LRRC61: variants seen among roughly 807,000 people sequenced by gnomAD.
LRRC61 encodes the protein leucine rich repeat containing 61, also known as leucine-rich repeat-containing protein 61.
LRRC61 carries 9 observed loss-of-function variants against 15.1 expected under a neutral mutation model. The ratio of observed to expected loss-of-function variants is 0.60; its 90% CI spans 0.36 to 1.04. The LOEUF is 1.04. LRRC61 is among the 50% of genes least tolerant of loss of function. LRRC61 has a pLI of 0.01. For missense variants in LRRC61, 344 were observed against 335.6 expected (o/e 1.03, Z -0.20); for synonymous variants, 173 against 158.6 (o/e 1.09, Z -0.68).
rs1438895034 is a variant in LRRC61 at position 150,335,123 on chromosome 7, C to T, written c.-144-1595C>T. ...GTCCTAGGCTCTTTTTCCTCCTCCC[C>T]ATTGCTTCCTGCCCTCCTTAGGGCC... On this transcript the variant is annotated intron_variant, in intron 2 of 2. Coordinates refer to ENST00000359623, the MANE Select transcript of LRRC61 (RefSeq NM_001142928.2). This position sits in a 1 kb window ranked among gnomAD's most constrained non-coding sequence, Gnocchi z 4.3. Among the ~76,000 whole-genome samples, 1 of 152,090 alleles carries T rather than the reference C, an allele frequency of 6.6e-6. No homozygotes were observed. Among genetic ancestry groups the T allele is most frequent in the East Asian group, 1.9e-4 (1 of 5,200 alleles).
In LRRC61 at chr7:150,335,189, G is replaced by C. The variant is rs1240373627; in HGVS notation, c.-144-1529G>C. On this transcript the variant is annotated intron_variant, in intron 2 of 2. Coordinates refer to ENST00000359623, the MANE Select transcript of LRRC61 (RefSeq NM_001142928.2). This position sits in a 1 kb window ranked among gnomAD's most constrained non-coding sequence, Gnocchi z 4.3. ...CACAGCAGACAGGTTTCTAGTGCCTGGTGCTCCTCCTGCACCCCCCACGTT... is the reference window on the plus strand; with the variant it reads ...CACAGCAGACAGGTTTCTAGTGCCTCGTGCTCCTCCTGCACCCCCCACGTT... 6.6e-6 allele frequency among the ~76,000 whole-genome samples: 1 copy of C among 152,156 alleles called. No homozygotes were observed. The highest frequency in any genetic ancestry group is 1.5e-5 in the Non-Finnish European group (1 of 68,032).
rs1798359927 is a variant in LRRC61 at position 150,337,806 on chromosome 7, A to G, written c.*165A>G. The G allele has an allele frequency of 5.5e-6, 4 of 728,504 alleles. No homozygotes were observed. The highest frequency in any genetic ancestry group is 8.8e-6 in the Non-Finnish European group (4 of 453,440). 45.1% of individuals were successfully genotyped at this position (728,504 alleles called of 1,614,324 possible). ...AGCAGCCCCTCCCCACCATCCCTCC[A>G]CATGCTGCAAGGACAGACTGAAGGG... On this transcript the variant is annotated 3_prime_UTR_variant, in exon 3 of 3. Coordinates refer to ENST00000359623, the MANE Select transcript of LRRC61 (RefSeq NM_001142928.2).
Position 150,330,807 on chromosome 7 carries a change from A to C in LRRC61, c.-145+4797A>C. The stretch of plus-strand genomic sequence containing the variant: ...CAGGGGTCTGTGCGTGGACCCCACC[A>C]GGGTAGCCAAGAGCTCCGGGGTGGA... On this transcript the variant is annotated intron_variant, in intron 2 of 2. Transcript: ENST00000359623. This position sits in a 1 kb window ranked among gnomAD's most constrained non-coding sequence, Gnocchi z 4.6. 6.2e-7 allele frequency: 1 copy of C among 1,611,528 alleles called. No homozygotes were observed. Among genetic ancestry groups the C allele is most frequent in the Non-Finnish European group, 8.5e-7 (1 of 1,178,556 alleles).
chr7:150,321,598 G>C (rs574733393), upstream of LRRC61, among the ~76,000 whole-genome samples: 1 of 152,164 alleles, frequency 6.6e-6, no homozygotes, highest in Non-Finnish European at 1.5e-5. Context: ...AAATTAGCCA[G>C]GTGTGGTGGT....
Position 150,337,835 on chromosome 7 carries a change from T to TGAGCAGGTGTAAGGGCTCC in LRRC61, c.*195_*213dup, listed in dbSNP as rs1206461797. The stretch of plus-strand genomic sequence containing the variant: ...GCTGCAAGGACAGACTGAAGGGCTG[T>TGAGCAGGTGTAAGGGCTCC]GAGCAGGTGTAAGGGCTCCCACATC... On this transcript the variant is annotated 3_prime_UTR_variant, in exon 3 of 3. Transcript: ENST00000359623. 6.8e-5 allele frequency: 44 copies of TGAGCAGGTGTAAGGGCTCC among 650,542 alleles called. No homozygotes were observed. The highest frequency in any genetic ancestry group is 4.3e-4 in the Middle Eastern group (1 of 2,332). 40.3% of individuals were successfully genotyped at this position (650,542 alleles called of 1,614,324 possible). A position where few individuals can be genotyped will look rare whatever the true frequency, so the allele number is the denominator to read the frequency against.
chr7:150,337,795 A>C lies in LRRC61; in HGVS notation c.*154A>C. 1 of 781,948 alleles carries C rather than the reference A, an allele frequency of 1.3e-6. No homozygotes were observed. Among genetic ancestry groups the C allele is most frequent in the Non-Finnish European group, 2.0e-6 (1 of 502,668 alleles). The allele number at this position is 781,948 out of a possible 1,614,324, so 48.4% of individuals were successfully genotyped here. On this transcript the variant is annotated 3_prime_UTR_variant, in exon 3 of 3. Transcript: ENST00000359623. ...CCTATCCTGAGAGCAGCCCCTCCCC[A>C]CCATCCCTCCACATGCTGCAAGGAC...
At position 150,337,631 on chromosome 7, in the gene LRRC61, T is replaced by C; in HGVS notation, c.770T>C (p.Phe257Ser). Residue 257 changes from phenylalanine (F) to serine (S), a missense_variant, in exon 3 of 3, where the codon TTC becomes TCC. By Grantham distance (155) the Phe-to-Ser change is radical (BLOSUM62 -2). Coordinates refer to ENST00000359623, the MANE Select transcript of LRRC61 (RefSeq NM_001142928.2). Reference sequence around the variant, plus strand: ...AGCTCTGCGGGCCCCACCTCTTCCTTCGTCTTCTGAACGTGGCCTATGGCC... The same window carrying C: ...AGCTCTGCGGGCCCCACCTCTTCCTCCGTCTTCTGAACGTGGCCTATGGCC... ...VLSSAGPTSS[F>S]VF 1 of 1,523,854 alleles carries C rather than the reference T, an allele frequency of 6.6e-7. No homozygotes were observed. The highest frequency in any genetic ancestry group is 2.2e-5 in the Admixed American group (1 of 45,132). 94.4% of individuals were successfully genotyped at this position (1,523,854 alleles called of 1,614,324 possible). A position where few individuals can be genotyped will look rare whatever the true frequency, so the allele number is the denominator to read the frequency against.
At chr7:150,318,501 C>T (rs1427908849), upstream of LRRC61, among the ~76,000 whole-genome samples, 5 of 152,158 alleles carry the variant, frequency 3.3e-5, no homozygotes, top group South Asian at 2.1e-4. Flanking sequence ...CGGTGGCTCA[C>T]GCCTGTAATC....
chr7:150,333,318 T>C lies in LRRC61; in HGVS notation c.-144-3400T>C, dbSNP rs1181372299. 6.6e-6 allele frequency among the ~76,000 whole-genome samples: 1 copy of C among 152,160 alleles called. No individual in the cohort carries two copies. On this transcript the variant is annotated intron_variant, in intron 2 of 2. Coordinates refer to ENST00000359623, the MANE Select transcript of LRRC61 (RefSeq NM_001142928.2). The surrounding 1 kb of genome is among the most constrained non-coding windows in gnomAD (Gnocchi z 4.3). Reference sequence around the variant, plus strand: ...CATTGACAATGTCTGGAGGTGTCTTTAGTTGTTCCAAGTGGGGTAAGGGGA... The same window carrying C: ...CATTGACAATGTCTGGAGGTGTCTTCAGTTGTTCCAAGTGGGGTAAGGGGA...
At chr7:150,331,093 C>A (rs1008810496) in intron 2 of LRRC61, 22 of 1,612,510 alleles carry the variant, frequency 1.4e-5, no homozygotes, top group Non-Finnish European at 1.6e-5. Context: ...ATCTGTCTTA[C>A]CCCCCACAGG....
chr7:150,323,045 T>G (rs1413072059), upstream of LRRC61: 1 of 152,602 alleles, frequency 6.6e-6, no homozygotes, highest in Non-Finnish European at 1.5e-5. Context: ...CCGCCATCCG[T>G]CCGGAGACTG....
At chr7:150,324,518 C>A (rs1251206901) in intron 1 of LRRC61, 1 of 152,346 alleles carries the variant, frequency 6.6e-6, no homozygotes, top group Non-Finnish European at 1.5e-5. Context: ...CCGCTGGCTG[C>A]CTTTACAGAT....
At chr7:150,332,473 C>T (rs2129618334) in intron 2 of LRRC61, 1 of 167,206 alleles carries the variant, frequency 6.0e-6, no homozygotes, top group East Asian at 1.9e-4. Flanking sequence ...TGTTCCCTTG[C>T]CTCTCCTGGA....
At chr7:150,324,918 T>C (rs987727665) in intron 1 of LRRC61, among the ~76,000 whole-genome samples, 1 of 152,182 alleles carries the variant, frequency 6.6e-6, no homozygotes, top group Non-Finnish European at 1.5e-5. Context: ...GAAAGTCTTT[T>C]CTTGGTTTCC....
At chr7:150,323,151 C>T (rs1043222702), upstream of LRRC61, 16 of 211,572 alleles carry the variant, frequency 7.6e-5, no homozygotes, top group Admixed American at 1.9e-4. Flanking sequence ...GTTGACCTCA[C>T]GGCCCCTTCG....
At chr7:150,321,125 T>A (rs998799207), upstream of LRRC61, among the ~76,000 whole-genome samples, 31 of 152,196 alleles carry the variant, frequency 2.0e-4, no homozygotes, top group African/African-American at 5.3e-4. Context: ...TCACCTCGGC[T>A]TGTGTTCAGC....
intron 1 of LRRC61, among the ~76,000 whole-genome samples, chr7:150,325,351 G>A (rs1193110351): frequency 1.3e-5 from 2 of 152,212 alleles, no homozygotes; most frequent in African/African-American, 4.8e-5. Flanking sequence ...CCACATGATC[G>A]ACTATGGGCA....
At position 150,333,874 on chromosome 7, in the gene LRRC61, T is replaced by C. The variant is rs11773351; in HGVS notation, c.-144-2844T>C. ...CCTACTGGGCTACCTGTTTGCAGTG[T>C]GCAGGTGATGGACCAGAAACACAGC... is the stretch of plus-strand genomic sequence containing the variant. On this transcript the variant is annotated intron_variant, in intron 2 of 2. Transcript: ENST00000359623. This position sits in a 1 kb window ranked among gnomAD's most constrained non-coding sequence, Gnocchi z 4.3. The C allele has an allele frequency of 0.24, 234,940 of 983,348 alleles. 29,559 individuals are homozygous for C. The highest frequency in any genetic ancestry group is 0.29 in the East Asian group (2,520 of 8,770). 60.9% of individuals were successfully genotyped at this position (983,348 alleles called of 1,614,324 possible). A position where few individuals can be genotyped will look rare whatever the true frequency, so the allele number is the denominator to read the frequency against.
At chr7:150,320,193 G>A (rs532762164), upstream of LRRC61, among the ~76,000 whole-genome samples, 2 of 152,328 alleles carry the variant, frequency 1.3e-5, no homozygotes, top group Non-Finnish European at 2.9e-5. Context: ...AAGAATTTAG[G>A]GTGAGTCGCA....
Sources: allele counts gnomAD v4.1 joint callset (sites outside exome capture counted in the v4.1 genomes callset), GRCh38; gene constraint gnomAD v4.1.1; non-coding constraint Gnocchi (gnomAD v3.1); transcripts MANE v1.5; gene names NCBI Gene and HGNC (gene_info 2026-07-23, HGNC 2026-07-21).